The following OGFOD3 variants were observed in gnomAD, a reference collection of about 807,000 sequenced individuals.
OGFOD3 encodes 2-oxoglutarate and iron-dependent oxygenase domain-containing protein 3.
A neutral mutation model predicts 39.8 loss-of-function variants in OGFOD3; 35 were observed. The ratio of observed to expected loss-of-function variants is 0.88; its 90% CI spans 0.67 to 1.17. The LOEUF is 1.17. Ranked by LOEUF, OGFOD3 falls within the 50% of genes most tolerant of loss-of-function variation. OGFOD3 has a pLI of 0.00. For synonymous variants in OGFOD3, 200 were observed against 192.0 expected (o/e 1.04, Z -0.34); for missense variants, 438 against 454.5 (o/e 0.96, Z 0.33).
At position 82,418,410 on chromosome 17, in the gene OGFOD3, A is replaced by G. The variant is rs1336982073; in HGVS notation, c.74+2T>C. 1 of 1,475,562 alleles carries G rather than the reference A, an allele frequency of 6.8e-7. No homozygotes were observed. Among genetic ancestry groups the G allele is most frequent in the Admixed American group, 2.3e-5 (1 of 44,306 alleles). The allele number at this position is 1,475,562 out of a possible 1,614,324, so 91.4% of individuals were successfully genotyped here. A position where few individuals can be genotyped will look rare whatever the true frequency, so the allele number is the denominator to read the frequency against. On this transcript the variant is annotated splice_donor_variant, in intron 1 of 8. Coordinates refer to ENST00000313056, the MANE Select transcript of OGFOD3 (RefSeq NM_024648.3). LOFTEE classifies it high-confidence loss of function. Reference sequence around the variant, plus strand: ...GCGCGCCCTTCCCCTCCTCACCGCTACCTGCTCCGGTTCCGGCGCTCGGCC... The same window carrying G: ...GCGCGCCCTTCCCCTCCTCACCGCTGCCTGCTCCGGTTCCGGCGCTCGGCC...
intron 8 of OGFOD3, chr17:82,394,487 C>T (rs561135272): frequency 6.2e-7 from 1 of 1,613,828 alleles, no homozygotes; most frequent in South Asian, 1.1e-5. Context: ...GCTTCACTGG[C>T]TCTCGGTCCA....
chr17:82,409,559 C>T (rs1269824402), intron 3 of OGFOD3, 149 bp from the exon 4 acceptor site: 2 of 728,058 alleles, frequency 2.7e-6, no homozygotes, highest in Admixed American at 4.7e-5. Context: ...GACCAAAGGA[C>T]TCAACTTTCA....
rs983442326 is a variant in OGFOD3 at position 82,396,309 on chromosome 17, G to A, written c.823+1887C>T. On this transcript the variant is annotated intron_variant, in intron 8 of 8. Coordinates refer to ENST00000313056, the MANE Select transcript of OGFOD3 (RefSeq NM_024648.3). Reference sequence around the variant, plus strand: ...GATACACACAATTAGACAGATGTACGACATCAAATCACAGGTAAACACATA... The same window carrying A: ...GATACACACAATTAGACAGATGTACAACATCAAATCACAGGTAAACACATA... Among the ~76,000 whole-genome samples, 37 of 103,164 alleles carry A rather than the reference G, an allele frequency of 3.6e-4. 1 individual carries two copies. The highest frequency in any genetic ancestry group is 6.4e-4 in the African/African-American group (21 of 32,632). 67.7% of individuals were successfully genotyped at this position (103,164 alleles called of 152,430 possible).
rs528156827 is a variant in OGFOD3 at position 82,403,812 on chromosome 17, C to G, written c.699+125G>C. 4.5e-6 allele frequency: 6 copies of G among 1,324,762 alleles called. No homozygotes were observed. In the South Asian group the frequency reaches 6.5e-5, roughly 14 times the overall value. The allele number at this position is 1,324,762 out of a possible 1,614,324, so 82.1% of individuals were successfully genotyped here. A position where few individuals can be genotyped will look rare whatever the true frequency, so the allele number is the denominator to read the frequency against. On this transcript the variant is annotated intron_variant, in intron 7 of 8. Coordinates refer to ENST00000313056, the MANE Select transcript of OGFOD3 (RefSeq NM_024648.3). ...CACCCTGCCCACGTACGCACTCACCCTGCCCACGGGCACGCTCACCTTGTC... is the reference window on the plus strand; with the variant it reads ...CACCCTGCCCACGTACGCACTCACCGTGCCCACGGGCACGCTCACCTTGTC...
intron 2 of OGFOD3, among the ~76,000 whole-genome samples, chr17:82,412,477 C>T (rs951978610): frequency 7.1e-6 from 1 of 141,668 alleles, no homozygotes; most frequent in Admixed American, 7.0e-5. Flanking sequence ...GGGGCAAGGT[C>T]GTTTGGGGCA....
Position 82,392,401 on chromosome 17 carries a change from C to T in OGFOD3, c.957G>A (p.Pro319=), listed in dbSNP as rs149242475. 8.2e-5 allele frequency: 132 copies of T among 1,610,742 alleles called. 1 individual carries two copies. The South Asian group carries it at 8.7e-4, about 11-fold the overall frequency. ...GTTACCTTGGCCCGGCTGCTGGCTACGGGAACGCTGGGTCCTCGATGCCAT... is the reference window on the plus strand; with the variant it reads ...GTTACCTTGGCCCGGCTGCTGGCTATGGGAACGCTGGGTCCTCGATGCCAT... The part of the protein sequence containing the change: ...PDHGIEDPAF[P] The change falls in exon 9 of 9, where the codon CCG becomes CCA. Residue 319 remains proline (P), a synonymous_variant. Coordinates refer to ENST00000313056, the MANE Select transcript of OGFOD3 (RefSeq NM_024648.3). The surrounding 1 kb of genome is among the most constrained non-coding windows in gnomAD (Gnocchi z 4.2).
chr17:82,402,507 G>A (rs947976383), intron 7 of OGFOD3, among the ~76,000 whole-genome samples: 5 of 152,130 alleles, frequency 3.3e-5, no homozygotes, highest in Non-Finnish European at 5.9e-5. Context: ...AGCACTTTGG[G>A]AGGCCAAGGT....
intron 8 of OGFOD3, among the ~76,000 whole-genome samples, chr17:82,395,932 CATCA>C (rs1349813914): frequency 6.6e-6 from 1 of 151,554 alleles, no homozygotes; most frequent in African/African-American, 2.4e-5. Flanking sequence ...AGATGTATGA[CATCA>C]ATCACGTAAA....
rs1420073917 is a variant in OGFOD3, at chr17:82,404,846, T to C, written c.545+478A>G. Among the ~76,000 whole-genome samples the C allele has an allele frequency of 6.6e-6, 1 of 151,090 alleles. No individual in the cohort carries two copies. Among genetic ancestry groups the C allele is most frequent in the Non-Finnish European group, 1.5e-5 (1 of 67,846 alleles). On this transcript the variant is annotated intron_variant, in intron 6 of 8. Coordinates refer to ENST00000313056, the MANE Select transcript of OGFOD3 (RefSeq NM_024648.3). The surrounding 1 kb of genome is among the most constrained non-coding windows in gnomAD (Gnocchi z 4.5). ...ACCTCCACCTCCGGGGTTTAAGCAATTGTCCTGCCTCAGCCTCCGGGGTAG... is the reference window on the plus strand; with the variant it reads ...ACCTCCACCTCCGGGGTTTAAGCAACTGTCCTGCCTCAGCCTCCGGGGTAG...
chr17:82,393,278 G>C (rs923381732), intron 8 of OGFOD3: 1 of 152,294 alleles, frequency 6.6e-6, no homozygotes, highest in Non-Finnish European at 1.5e-5. Flanking sequence ...CCCCCACGTG[G>C]CTCCTGACGT....
rs996644516 is a variant in OGFOD3, at chr17:82,415,136, C to A, written c.304+262G>T. ...AAAATCTTTCTGGTTTTGACTTTCT[C>A]ATCCCTATCTTTCCAAGGCAAACCA... On this transcript the variant is annotated intron_variant, in intron 2 of 8. Transcript: ENST00000313056. The surrounding 1 kb of genome is among the most constrained non-coding windows in gnomAD (Gnocchi z 5.3). Among the ~76,000 whole-genome samples, 3 of 152,206 alleles carry A rather than the reference C, an allele frequency of 2.0e-5. No individual in the cohort carries two copies. Among genetic ancestry groups the A allele is most frequent in the Non-Finnish European group, 4.4e-5 (3 of 68,032 alleles).
At chr17:82,407,865 G>A (rs1005831142) in intron 4 of OGFOD3, among the ~76,000 whole-genome samples, 5 of 152,194 alleles carry the variant, frequency 3.3e-5, no homozygotes, top group African/African-American at 9.7e-5. Context: ...AACTTAGGCC[G>A]GGCACGGTGG....
In OGFOD3 at chr17:82,392,214, G is replaced by T; in HGVS notation, c.*184C>A. The T allele has an allele frequency of 2.9e-6, 2 of 700,446 alleles. No homozygotes were observed. The highest frequency in any genetic ancestry group is 4.7e-6 in the Non-Finnish European group (2 of 428,618). The allele number at this position is 700,446 out of a possible 1,614,324, so 43.4% of individuals were successfully genotyped here. A position where few individuals can be genotyped will look rare whatever the true frequency, so the allele number is the denominator to read the frequency against. ...CAGCCCAAGCACACATGATGCTGGA[G>T]AAGTGAAAAGCTGGTTCCCTTCATT... On this transcript the variant is annotated 3_prime_UTR_variant, in exon 9 of 9. Coordinates refer to ENST00000313056, the MANE Select transcript of OGFOD3 (RefSeq NM_024648.3). The surrounding 1 kb of genome is among the most constrained non-coding windows in gnomAD (Gnocchi z 4.2).
At chr17:82,399,940 C>A (rs980843896) in intron 7 of OGFOD3, among the ~76,000 whole-genome samples, 1 of 152,184 alleles carries the variant, frequency 6.6e-6, no homozygotes, top group Admixed American at 6.5e-5. Flanking sequence ...CGCACCAGCG[C>A]GGAACTGGAC....
Position 82,402,372 on chromosome 17 carries a change from T to C in OGFOD3, c.699+1565A>G, listed in dbSNP as rs9899437. 3.3e-3 allele frequency among the ~76,000 whole-genome samples: 471 copies of C among 141,086 alleles called. 7 individuals are homozygous for C. Among genetic ancestry groups the C allele is most frequent in the Non-Finnish European group, 4.2e-3 (273 of 64,900 alleles). 92.6% of individuals were successfully genotyped at this position (141,086 alleles called of 152,430 possible). A position where few individuals can be genotyped will look rare whatever the true frequency, so the allele number is the denominator to read the frequency against. On this transcript the variant is annotated intron_variant, in intron 7 of 8. Coordinates refer to ENST00000313056, the MANE Select transcript of OGFOD3 (RefSeq NM_024648.3). Reference sequence around the variant, plus strand: ...ACCGCTTGAACCCAGGAGGCGGAGGTTGTAGTAAGCCAAGATCACACAACT... The same window carrying C: ...ACCGCTTGAACCCAGGAGGCGGAGGCTGTAGTAAGCCAAGATCACACAACT...
intron 7 of OGFOD3, among the ~76,000 whole-genome samples, chr17:82,400,524 A>ACAG (rs2052747693): frequency 6.6e-6 from 1 of 152,242 alleles, no homozygotes; most frequent in South Asian, 2.1e-4. Context: ...TTTACAACTG[A>ACAG]CAGAATGCGG....
In OGFOD3 at chr17:82,411,675, G is replaced by A. The variant is rs527959312; in HGVS notation, c.305-145C>T. The A allele has an allele frequency of 1.6e-3, 992 of 631,978 alleles. 13 individuals carry two copies. Among genetic ancestry groups the A allele is most frequent in the East Asian group, 4.0e-3 (139 of 34,526 alleles). The allele number at this position is 631,978 out of a possible 1,614,324, so 39.1% of individuals were successfully genotyped here. The stretch of plus-strand genomic sequence containing the variant: ...AACCACAGCTCTCCAGCGTGCATGC[G>A]CTTTGTGCGGTGCATCTGGAGTTCA... On this transcript the variant is annotated intron_variant, in intron 2 of 8. Transcript: ENST00000313056.
In OGFOD3 at chr17:82,406,527, C is replaced by A; in HGVS notation, c.424-45G>T. ...GTAAAGCGTGCAGCCGCAGCAATGG[C>A]AATGGCTGTTAAAAGTCATGGATGG... On this transcript the variant is annotated intron_variant, in intron 4 of 8. Coordinates refer to ENST00000313056, the MANE Select transcript of OGFOD3 (RefSeq NM_024648.3). This position sits in a 1 kb window ranked among gnomAD's most constrained non-coding sequence, Gnocchi z 5.2. 6.6e-7 allele frequency: 1 copy of A among 1,526,682 alleles called. No homozygotes were observed. The highest frequency in any genetic ancestry group is 9.1e-7 in the Non-Finnish European group (1 of 1,100,674). 94.6% of individuals were successfully genotyped at this position (1,526,682 alleles called of 1,614,324 possible). A position where few individuals can be genotyped will look rare whatever the true frequency, so the allele number is the denominator to read the frequency against.
chr17:82,401,621 T>C (rs2052764878), intron 7 of OGFOD3, among the ~76,000 whole-genome samples: 1 of 150,788 alleles, frequency 6.6e-6, no homozygotes, highest in African/African-American at 2.4e-5. Flanking sequence ...CTGGCTAACA[T>C]GGTGAAACCC....
Sources: gnomAD v4.1 joint callset for allele counts (sites outside exome capture counted in the v4.1 genomes callset) on GRCh38, gnomAD v4.1.1 for gene constraint, Gnocchi (gnomAD v3.1) non-coding constraint, MANE v1.5 for transcripts, NCBI Gene and HGNC (gene_info 2026-07-23, HGNC 2026-07-21) for gene names.